The following NUGGC variants were observed in gnomAD, a reference collection of about 807,000 sequenced individuals.
The protein encoded by NUGGC is nuclear GTPase SLIP-GC.
In NUGGC, 58 loss-of-function variants were observed where a neutral mutation model predicts 92.6. That is an observed-to-expected ratio of 0.63 (90% confidence interval 0.51 to 0.78). The LOEUF (loss-of-function observed/expected upper bound fraction) is 0.78, where lower values mean the gene tolerates loss of function less well. NUGGC is among the 30% of genes least tolerant of loss of function. NUGGC has a pLI of 0.00. For missense variants in NUGGC, 925 were observed against 964.6 expected (o/e 0.96, Z 0.54); for synonymous variants, 376 against 366.4 (o/e 1.03, Z -0.30).
intron 18 of NUGGC, among the ~76,000 whole-genome samples, chr8:28,026,217 T>C (rs1372276986): frequency 6.6e-6 from 1 of 152,220 alleles, no homozygotes; most frequent in African/African-American, 2.4e-5. Flanking sequence ...TTTCTGACTT[T>C]AGAATGTTAC....
chr8:28,060,984 C>T (rs1810290993), intron 7 of NUGGC, among the ~76,000 whole-genome samples: 1 of 152,222 alleles, frequency 6.6e-6, no homozygotes, highest in African/African-American at 2.4e-5. Flanking sequence ...TTGGGATCCA[C>T]CTCACCTCAA....
intron 12 of NUGGC, among the ~76,000 whole-genome samples, chr8:28,043,003 C>T (rs78773138): frequency 0.014 from 2,060 of 152,270 alleles, 54 homozygotes; most frequent in African/African-American, 0.047. Flanking sequence ...GTTTAGCATT[C>T]GGTGCACCCC....
chr8:28,079,404 G>T (rs562218398), intron 1 of NUGGC, among the ~76,000 whole-genome samples: 2 of 152,144 alleles, frequency 1.3e-5, no homozygotes, highest in South Asian at 4.1e-4. Context: ...GCCCGGTGTG[G>T]TGGCACGCGC....
At position 28,058,334 on chromosome 8, in the gene NUGGC, G is replaced by A. The variant is rs1208808586; in HGVS notation, c.1098-58C>T. Reference sequence around the variant, plus strand: ...TTAATTTTTACTATGTGTCACTGCAGTCTTTCGACTTTCCCCAAAAGCAGC... The same window carrying A: ...TTAATTTTTACTATGTGTCACTGCAATCTTTCGACTTTCCCCAAAAGCAGC... On this transcript the variant is annotated intron_variant, in intron 8 of 18. Coordinates refer to ENST00000413272, the MANE Select transcript of NUGGC (RefSeq NM_001010906.2). 10 of 344,326 alleles carry A rather than the reference G, an allele frequency of 2.9e-5. No individual in the cohort carries two copies. In the East Asian group the frequency reaches 3.6e-4, roughly 13 times the overall value. 21.3% of individuals were successfully genotyped at this position (344,326 alleles called of 1,614,324 possible). A position where few individuals can be genotyped will look rare whatever the true frequency, so the allele number is the denominator to read the frequency against.
chr8:28,042,973 T>C (rs1809738472), intron 12 of NUGGC, among the ~76,000 whole-genome samples: 1 of 152,166 alleles, frequency 6.6e-6, no homozygotes, highest in South Asian at 2.1e-4. Flanking sequence ...AGTAAATACG[T>C]TTTAGAGTTT....
chr8:28,069,128 C>CCTCT (rs1384176203), intron 4 of NUGGC, among the ~76,000 whole-genome samples: 3 of 152,092 alleles, frequency 2.0e-5, no homozygotes, highest in Admixed American at 2.0e-4. Flanking sequence ...GAAATTGTAG[C>CCTCT]CTCAGCACCA....
In NUGGC at chr8:28,055,955, A is replaced by G. The variant is rs370825446; in HGVS notation, c.1206+10T>C. 6 of 1,403,652 alleles carry G rather than the reference A, an allele frequency of 4.3e-6. No homozygotes were observed. Among genetic ancestry groups the G allele is most frequent in the African/African-American group, 2.8e-5 (2 of 70,404 alleles). 86.9% of individuals were successfully genotyped at this position (1,403,652 alleles called of 1,614,324 possible). A position where few individuals can be genotyped will look rare whatever the true frequency, so the allele number is the denominator to read the frequency against. On this transcript the variant is annotated intron_variant, in intron 10 of 18. Transcript: ENST00000413272. ...TACAGAAAAACACATAGAGAAACCT[A>G]TTAACTCACCTTCAGTTTTTCCTTG...
In NUGGC at chr8:28,073,152, C is replaced by T. The variant is rs1005636421; in HGVS notation, c.43+1216G>A. Among the ~76,000 whole-genome samples, 6 of 150,762 alleles carry T rather than the reference C, an allele frequency of 4.0e-5. No individual in the cohort carries two copies. The Admixed American group carries it at 4.0e-4, about 10-fold the overall frequency. ...AAGTAGCTGGAACTACAGGCACTCACCACCACGCCTGGCTAATTTTTTTTT... is the reference window on the plus strand; with the variant it reads ...AAGTAGCTGGAACTACAGGCACTCATCACCACGCCTGGCTAATTTTTTTTT... On this transcript the variant is annotated intron_variant, in intron 2 of 18. Coordinates refer to ENST00000413272, the MANE Select transcript of NUGGC (RefSeq NM_001010906.2).
Position 28,029,186 on chromosome 8 carries a change from C to T in NUGGC, c.2154+80G>A, listed in dbSNP as rs952914471. ...CATTTGGACCCAAATGCCTACTATG[C>T]CTTCCACCTTCTGCACTCGCTTCCT... On this transcript the variant is annotated intron_variant, in intron 17 of 18. Transcript: ENST00000413272. 221 of 1,459,974 alleles carry T rather than the reference C, an allele frequency of 1.5e-4. 1 individual carries two copies. Among genetic ancestry groups the T allele is most frequent in the Non-Finnish European group, 2.0e-4 (217 of 1,070,466 alleles). 90.4% of individuals were successfully genotyped at this position (1,459,974 alleles called of 1,614,324 possible). A position where few individuals can be genotyped will look rare whatever the true frequency, so the allele number is the denominator to read the frequency against.
intron 14 of NUGGC, among the ~76,000 whole-genome samples, chr8:28,032,913 A>C (rs752360381): frequency 8.2e-4 from 125 of 152,108 alleles, no homozygotes; most frequent in Non-Finnish European, 1.6e-3. Flanking sequence ...TAATCCCAGC[A>C]CTTTGGGAGG....
rs1007862366 is a variant in NUGGC, at chr8:28,083,859, G to C, written c.-131C>G. 4 of 151,888 alleles carry C rather than the reference G, an allele frequency of 2.6e-5. No homozygotes were observed. Among genetic ancestry groups the C allele is most frequent in the Admixed American group, 6.6e-5 (1 of 15,232 alleles). The allele number at this position is 151,888 out of a possible 1,614,324, so 9.4% of individuals were successfully genotyped here. ...GAGGAGATGGTGGCAGCTTCTCCTTGGTTCAGGTATTTGGAACCAGCTGGG... is the reference window on the plus strand; with the variant it reads ...GAGGAGATGGTGGCAGCTTCTCCTTCGTTCAGGTATTTGGAACCAGCTGGG... On this transcript the variant is annotated 5_prime_UTR_variant, in exon 1 of 19. Transcript: ENST00000413272.
At chr8:28,042,542 C>G (rs545968379) in intron 12 of NUGGC, among the ~76,000 whole-genome samples, 2 of 152,324 alleles carry the variant, frequency 1.3e-5, no homozygotes, top group South Asian at 4.1e-4. Flanking sequence ...GGCACCTTCC[C>G]TGAGTCCCCA....
chr8:28,044,057 T>C (rs1809765910), intron 12 of NUGGC, among the ~76,000 whole-genome samples: 1 of 152,100 alleles, frequency 6.6e-6, no homozygotes, highest in South Asian at 2.1e-4. Flanking sequence ...TTACAAGCAT[T>C]TATACACAAC....
rs540150509 is a variant in NUGGC at position 28,067,634 on chromosome 8, G to A, written c.591C>T (p.Thr197=). The change falls in exon 6 of 19, where the codon ACC becomes ACT. Residue 197 remains threonine (T), a synonymous_variant. Coordinates refer to ENST00000413272, the MANE Select transcript of NUGGC (RefSeq NM_001010906.2). ...WNRDEAVEEA[T]WKLQMIYGNG... ...TTCCATAAATCATTTGTAGCTTCCA[G>A]GTGGCTTCCTCCACTGCCTCATCCC... 2.5e-6 allele frequency: 4 copies of A among 1,613,808 alleles called. No individual in the cohort carries two copies. The Admixed American group carries it at 6.7e-5, about 27-fold the overall frequency.
At chr8:28,029,426 C>T in intron 16 of NUGGC, 24 bp from the exon 17 acceptor site, 1 of 1,610,148 alleles carries the variant, frequency 6.2e-7, no homozygotes, top group Middle Eastern at 1.7e-4. Context: ...TAGCCACAGT[C>T]ACACCAAGAC....
chr8:28,068,365 C>A lies in NUGGC; in HGVS notation c.331G>T (p.Ala111Ser), dbSNP rs1252710209. The change falls in exon 5 of 19, where the codon GCT becomes TCT. Residue 111 changes from alanine (A) to serine (S), a missense_variant. Coordinates refer to ENST00000413272, the MANE Select transcript of NUGGC (RefSeq NM_001010906.2). ...GCATTGATCAGGGAGCTCTTCCCAG[C>A]CCCAGTGCTTCCAAATAATGCAATG... ...IYIALFGSTGAGKSSLINAII... is the reference protein window; with the variant it reads ...IYIALFGSTGSGKSSLINAII... The A allele has an allele frequency of 3.2e-6, 5 of 1,580,180 alleles. No homozygotes were observed. Among genetic ancestry groups the A allele is most frequent in the Non-Finnish European group, 3.4e-6 (4 of 1,162,340 alleles).
intron 1 of NUGGC, 57 bp from the exon 2 acceptor site, chr8:28,074,513 C>A: frequency 8.4e-7 from 1 of 1,192,552 alleles, no homozygotes; most frequent in Non-Finnish European, 1.2e-6. Context: ...ATACAGAAAG[C>A]AAACCCTAAG....
chr8:28,029,565 A>G (rs1311171865), intron 16 of NUGGC, among the ~76,000 whole-genome samples, 163 bp from the exon 17 acceptor site: 3 of 152,148 alleles, frequency 2.0e-5, no homozygotes, highest in African/African-American at 7.2e-5. Context: ...CCTGCCCAAC[A>G]TGGTGAAACC....
rs770224867 is a variant in NUGGC, at chr8:28,060,545, C to A, written c.978G>T (p.Gly326=). ...TCAGAAGGTCTTCGTGGGCTTGCCC[C>A]CCAGAAACTCGCTCTATGTCGCTGA... is the stretch of plus-strand genomic sequence containing the variant. ...WVISDIERVS[G]GQAHEDLLNE... Residue 326 remains glycine, a synonymous_variant, in exon 8 of 19, where the codon GGG becomes GGT. Transcript: ENST00000413272. 1 of 1,613,786 alleles carries A rather than the reference C, an allele frequency of 6.2e-7. No homozygotes were observed. Among genetic ancestry groups the A allele is most frequent in the Admixed American group, 1.7e-5 (1 of 59,998 alleles).
Sources: allele counts gnomAD v4.1 joint callset (sites outside exome capture counted in the v4.1 genomes callset), GRCh38; gene constraint gnomAD v4.1.1; transcripts MANE v1.5; gene names NCBI Gene and HGNC (gene_info 2026-07-23, HGNC 2026-07-21).